Variants in CYTH3 observed in about 807,000 individuals in gnomAD.
CYTH3 encodes the protein cytohesin 3, also known as cytohesin-3.
Under a neutral mutation model 55.1 loss-of-function variants are expected in CYTH3, and 23 were observed. The ratio of observed to expected loss-of-function variants is 0.42; its 90% confidence interval spans 0.30 to 0.59. The LOEUF is 0.59. Ranked by LOEUF, CYTH3 falls within the 20% of genes least tolerant of loss-of-function variation. The pLI is 0.20. For synonymous variants in CYTH3, 249 were observed against 194.9 expected, an observed-to-expected ratio of 1.28 and a Z score of -2.31; for missense variants, 413 against 524.8, an observed-to-expected ratio of 0.79 and a Z score of 2.08.
intron 1 of CYTH3, among the ~76,000 whole-genome samples, chr7:6,258,014 G>T (rs974542708): frequency 2.6e-4 from 39 of 152,136 alleles, no homozygotes; most frequent in Admixed American, 1.2e-3. Flanking sequence ...CATAAGAAAT[G>T]CAACAGGGCT....
intron 5 of CYTH3, among the ~76,000 whole-genome samples, chr7:6,177,269 G>A (rs149071854): frequency 6.6e-6 from 1 of 152,150 alleles, no homozygotes; most frequent in Admixed American, 6.5e-5. Flanking sequence ...AGGAACTACT[G>A]GGCTTTTGTT....
intron 1 of CYTH3, among the ~76,000 whole-genome samples, chr7:6,259,294 A>G (rs532044692): frequency 7.2e-5 from 11 of 152,226 alleles, no homozygotes; most frequent in Admixed American, 3.9e-4. Flanking sequence ...AATTACAGAC[A>G]TAAGTTTTTC....
chr7:6,218,191 A>G (rs1784468564), intron 1 of CYTH3, among the ~76,000 whole-genome samples: 1 of 152,118 alleles, frequency 6.6e-6, no homozygotes, highest in African/African-American at 2.4e-5. Context: ...AGAAAAGAAA[A>G]AGCATCTTCA....
intron 1 of CYTH3, among the ~76,000 whole-genome samples, chr7:6,263,965 G>C (rs1780420000): frequency 6.6e-6 from 1 of 151,922 alleles, no homozygotes; most frequent in African/African-American, 2.4e-5. Flanking sequence ...AACCAATTAG[G>C]GCCGGGTGCG....
At chr7:6,268,161 C>T (rs1780552694) in intron 1 of CYTH3, among the ~76,000 whole-genome samples, 1 of 151,974 alleles carries the variant, frequency 6.6e-6, no homozygotes, top group South Asian at 2.1e-4. Context: ...CTACACTTTG[C>T]TCTTGTAATT....
intron 1 of CYTH3, among the ~76,000 whole-genome samples, chr7:6,260,291 A>T (rs1562418670): frequency 6.6e-6 from 1 of 152,168 alleles, no homozygotes; most frequent in Non-Finnish European, 1.5e-5. Flanking sequence ...TACCTCTCCC[A>T]AAGTTACTTA....
rs546535609 is a variant in CYTH3, at chr7:6,253,594, G to C, written c.34+18880C>G. On this transcript the variant is annotated intron_variant, in intron 1 of 12. Coordinates refer to ENST00000350796, the MANE Select transcript of CYTH3 (RefSeq NM_004227.4). ...ACACTTTGGGAGGCCAAGGCGGGCAGATCACAAGGTCAGGAGTTTGAGACC... is the reference window on the plus strand; with the variant it reads ...ACACTTTGGGAGGCCAAGGCGGGCACATCACAAGGTCAGGAGTTTGAGACC... Among the ~76,000 whole-genome samples the C allele has an allele frequency of 3.3e-5, 5 of 152,042 alleles. No individual in the cohort carries two copies. In the South Asian group the frequency reaches 8.3e-4, roughly 25 times the overall value.
chr7:6,246,672 G>T (rs1779827466), intron 1 of CYTH3, among the ~76,000 whole-genome samples: 1 of 151,038 alleles, frequency 6.6e-6, no homozygotes, highest in African/African-American at 2.4e-5. Context: ...AACAGTCCCT[G>T]CCCCACCCCC....
At chr7:6,259,794 T>TATATATA (rs1554255121) in intron 1 of CYTH3, among the ~76,000 whole-genome samples, 46 of 18,060 alleles carry the variant, frequency 2.5e-3, no homozygotes, top group Non-Finnish European at 3.2e-3. Context: ...AATATATATA[T>TATATATA]ATATATATAT....
chr7:6,249,610 C>T (rs1249636037), intron 1 of CYTH3, among the ~76,000 whole-genome samples: 1 of 152,248 alleles, frequency 6.6e-6, no homozygotes, highest in Non-Finnish European at 1.5e-5. Context: ...TTACTCTAAA[C>T]CCTCCTTCTG....
rs1782943837 is a variant in CYTH3 at position 6,164,918 on chromosome 7, T to C, written c.*26A>G. On this transcript the variant is annotated 3_prime_UTR_variant, in exon 13 of 13. Transcript: ENST00000350796. Reference sequence around the variant, plus strand: ...TGTCTTTCTGCTGGGGTTGGGTCTTTTACCTGGGTCTTTTAGCCAGGAAAG... The same window carrying C: ...TGTCTTTCTGCTGGGGTTGGGTCTTCTACCTGGGTCTTTTAGCCAGGAAAG... 2 of 1,614,146 alleles carry C rather than the reference T, an allele frequency of 1.2e-6. No individual in the cohort carries two copies. Among genetic ancestry groups the C allele is most frequent in the Non-Finnish European group, 1.7e-6 (2 of 1,179,976 alleles).
At chr7:6,237,199 G>T (rs117503200) in intron 1 of CYTH3, among the ~76,000 whole-genome samples, 3 of 152,194 alleles carry the variant, frequency 2.0e-5, no homozygotes, top group African/African-American at 7.2e-5. Flanking sequence ...TCCACTTTTA[G>T]ACTAGAACTG....
intron 1 of CYTH3, among the ~76,000 whole-genome samples, chr7:6,205,284 C>A (rs1784157465): frequency 6.6e-6 from 1 of 151,874 alleles, no homozygotes. Flanking sequence ...TTAGAAAATA[C>A]CAACAAAGGC....
At chr7:6,166,230 G>T (rs1409743484) in intron 9 of CYTH3, among the ~76,000 whole-genome samples, 2 of 152,308 alleles carry the variant, frequency 1.3e-5, no homozygotes, top group East Asian at 3.9e-4. Context: ...TCACCCCTGG[G>T]CCCAAGGAAT....
intron 1 of CYTH3, among the ~76,000 whole-genome samples, chr7:6,240,001 A>C (rs1055163496): frequency 6.6e-6 from 1 of 152,216 alleles, no homozygotes; most frequent in African/African-American, 2.4e-5. Flanking sequence ...TTATATATTT[A>C]ATGCAATCAG....
chr7:6,259,772 T>TAA (rs1491219669), intron 1 of CYTH3, among the ~76,000 whole-genome samples: 14 of 30,502 alleles, frequency 4.6e-4, no homozygotes, highest in African/African-American at 1.2e-3. Context: ...TATATATATA[T>TAA]TATATATATA....
intron 1 of CYTH3, among the ~76,000 whole-genome samples, chr7:6,233,846 G>A (rs1309534441): frequency 6.6e-6 from 1 of 152,030 alleles, no homozygotes; most frequent in Non-Finnish European, 1.5e-5. Flanking sequence ...TGGAGGGTGG[G>A]GAGTCCAAGA....
chr7:6,219,852 G>T (rs1358724419), intron 1 of CYTH3, among the ~76,000 whole-genome samples: 2 of 152,066 alleles, frequency 1.3e-5, no homozygotes, highest in Non-Finnish European at 2.9e-5. Flanking sequence ...AATCAGAATA[G>T]CTGGAACAAT....
intron 1 of CYTH3, among the ~76,000 whole-genome samples, chr7:6,191,077 G>T (rs1013732152): frequency 6.7e-6 from 1 of 149,940 alleles, no homozygotes. Context: ...ATTCTGTTTC[G>T]GGAAAAAAAA....
Sources: gnomAD v4.1 joint callset for allele counts (sites outside exome capture counted in the v4.1 genomes callset) on GRCh38, gnomAD v4.1.1 for gene constraint, MANE v1.5 for transcripts, NCBI Gene and HGNC (gene_info 2026-07-23, HGNC 2026-07-21) for gene names.